Variants in TBC1D5 observed in about 807,000 individuals in gnomAD.
TBC1D5 encodes TBC1 domain family, member 5.
Under a neutral mutation model 100.3 loss-of-function variants are expected in TBC1D5, and 75 were observed. The ratio of observed to expected loss-of-function variants is 0.75; its 90% CI spans 0.62 to 0.91. The LOEUF (loss-of-function observed/expected upper bound fraction) is 0.91, where lower values mean the gene tolerates loss of function less well. Ranked by LOEUF, TBC1D5 falls within the 40% of genes least tolerant of loss-of-function variation. The pLI is 0.00. For missense variants in TBC1D5, 910 were observed against 942.4 expected, an observed-to-expected ratio of 0.97 and a Z score of 0.45; for synonymous variants, 323 against 325.6, an observed-to-expected ratio of 0.99 and a Z score of 0.09.
chr3:17,303,342 T>C (rs1213680673), intron 14 of TBC1D5, among the ~76,000 whole-genome samples: 1 of 152,240 alleles, frequency 6.6e-6, no homozygotes, highest in Non-Finnish European at 1.5e-5. Context: ...CTATCATCTA[T>C]GTACCATATA....
At chr3:17,178,520 G>A (rs1271900422) in intron 19 of TBC1D5, among the ~76,000 whole-genome samples, 1 of 152,070 alleles carries the variant, frequency 6.6e-6, no homozygotes, top group Non-Finnish European at 1.5e-5. Flanking sequence ...TTCCTTTTGA[G>A]TATATACCCT....
chr3:17,544,207 G>C (rs1464562740), intron 2 of TBC1D5, among the ~76,000 whole-genome samples: 1 of 152,122 alleles, frequency 6.6e-6, no homozygotes, highest in African/African-American at 2.4e-5. Flanking sequence ...AGGTAATGCT[G>C]AAGTGCTGAA....
In TBC1D5 at chr3:17,255,854, C is replaced by T. The variant is rs1230777968; in HGVS notation, c.1331+2652G>A. Among the ~76,000 whole-genome samples, 8 of 151,976 alleles carry T rather than the reference C, an allele frequency of 5.3e-5. No homozygotes were observed. The South Asian group carries it at 8.3e-4, about 16-fold the overall frequency. ...GAGATTGAGACCATCTTGGCTAACACGGTGAAACCCCGTCTACTAAAAATA... is the reference window on the plus strand; with the variant it reads ...GAGATTGAGACCATCTTGGCTAACATGGTGAAACCCCGTCTACTAAAAATA... On this transcript the variant is annotated intron_variant, in intron 16 of 21. Coordinates refer to ENST00000253692, the Ensembl canonical transcript of TBC1D5.
At position 17,350,838 on chromosome 3, in the gene TBC1D5, A is replaced by G. The variant is rs116098442; in HGVS notation, c.995+21237T>C. Among the ~76,000 whole-genome samples, 732 of 152,290 alleles carry G rather than the reference A, an allele frequency of 4.8e-3. 6 individuals carry two copies. The highest frequency in any genetic ancestry group is 0.017 in the African/African-American group (704 of 41,574). ...TGGAATAAACACCCTGACAAACAGCATTTCAATTCAGGCTGCTATACAACA... is the reference window on the plus strand; with the variant it reads ...TGGAATAAACACCCTGACAAACAGCGTTTCAATTCAGGCTGCTATACAACA... On this transcript the variant is annotated intron_variant, in intron 13 of 21. Coordinates refer to ENST00000253692, the Ensembl canonical transcript of TBC1D5.
intron 13 of TBC1D5, among the ~76,000 whole-genome samples, chr3:17,344,987 C>T (rs1158891245): frequency 6.6e-6 from 1 of 152,118 alleles, no homozygotes; most frequent in Admixed American, 6.5e-5. Flanking sequence ...TAGGCATTAC[C>T]ATTCACAGGA....
intron 13 of TBC1D5, among the ~76,000 whole-genome samples, chr3:17,349,002 T>G (rs544458776): frequency 6.6e-6 from 1 of 152,016 alleles, no homozygotes; most frequent in South Asian, 2.1e-4. Context: ...AAAAGGTGTA[T>G]TAAAACTGAG....
At position 17,345,053 on chromosome 3, in the gene TBC1D5, G is replaced by T. The variant is rs1575444632; in HGVS notation, c.995+27022C>A. On this transcript the variant is annotated intron_variant, in intron 13 of 21. Coordinates refer to ENST00000253692, the Ensembl canonical transcript of TBC1D5. ...AACACCAAAAGCAATGGCAACAAAA[G>T]CCAAAATTGACAAATGGGATCTATT... 1.1e-4 allele frequency among the ~76,000 whole-genome samples: 16 copies of T among 152,218 alleles called. No homozygotes were observed. In the South Asian group the frequency reaches 3.1e-3, roughly 30 times the overall value.
intron 2 of TBC1D5, among the ~76,000 whole-genome samples, chr3:17,525,206 T>C (rs538562177): frequency 1.3e-5 from 2 of 152,180 alleles, no homozygotes; most frequent in African/African-American, 4.8e-5. Flanking sequence ...CTCGGCTCAC[T>C]GCAACCTCCG....
intron 2 of TBC1D5, among the ~76,000 whole-genome samples, chr3:17,584,877 C>T (rs2096722873): frequency 6.6e-6 from 1 of 152,106 alleles, no homozygotes; most frequent in East Asian, 1.9e-4. Flanking sequence ...AGGCTGTTCT[C>T]GAACTCCTGA....
At chr3:17,435,480 C>T (rs975993720) in intron 3 of TBC1D5, among the ~76,000 whole-genome samples, 1 of 152,144 alleles carries the variant, frequency 6.6e-6, no homozygotes, top group African/African-American at 2.4e-5. Context: ...CATATGGCAG[C>T]AGGATGGAGA....
intron 18 of TBC1D5, among the ~76,000 whole-genome samples, chr3:17,200,289 C>G (rs534275754): frequency 2.0e-5 from 3 of 152,296 alleles, no homozygotes; most frequent in African/African-American, 7.2e-5. Context: ...TCAGGGGTCC[C>G]CAAACCCCGG....
intron 2 of TBC1D5, among the ~76,000 whole-genome samples, chr3:17,573,940 T>C (rs1458753358): frequency 2.0e-5 from 3 of 152,034 alleles, no homozygotes; most frequent in Non-Finnish European, 4.4e-5. Context: ...GTTGATCCAG[T>C]ACCGAGAACA....
intron 1 of TBC1D5, among the ~76,000 whole-genome samples, chr3:17,656,536 C>T (rs2066079686): frequency 6.6e-6 from 1 of 152,058 alleles, no homozygotes; most frequent in Admixed American, 6.6e-5. Flanking sequence ...AAAACCAGGC[C>T]CTGTTCTCAG....
intron 8 of TBC1D5, among the ~76,000 whole-genome samples, chr3:17,385,030 C>G (rs1341798888): frequency 6.6e-6 from 1 of 151,950 alleles, no homozygotes; most frequent in Non-Finnish European, 1.5e-5. Flanking sequence ...ATTTAAAAGT[C>G]CCAAACCCAA....
chr3:17,640,809 G>A (rs979232011), intron 1 of TBC1D5, among the ~76,000 whole-genome samples: 1 of 151,930 alleles, frequency 6.6e-6, no homozygotes, highest in African/African-American at 2.4e-5. Context: ...AACAAACTAT[G>A]GAGTTTCATT....
chr3:17,432,484 A>G (rs1438726105), intron 3 of TBC1D5, among the ~76,000 whole-genome samples: 1 of 152,220 alleles, frequency 6.6e-6, no homozygotes. Context: ...AGCCACCCCA[A>G]GCTAATTACT....
chr3:17,662,937 A>G (rs923498372), intron 1 of TBC1D5: 10 of 152,212 alleles, frequency 6.6e-5, no homozygotes, highest in African/African-American at 2.4e-4. Context: ...GTTGTGATTT[A>G]AATTTTCTTA....
At chr3:17,645,825 C>T (rs2064967244) in intron 1 of TBC1D5, among the ~76,000 whole-genome samples, 1 of 152,050 alleles carries the variant, frequency 6.6e-6, no homozygotes, top group Non-Finnish European at 1.5e-5. Flanking sequence ...TCCCCTTCCC[C>T]CCTACTTTTC....
chr3:17,732,720 AAAATAAAT>A (rs60531914), intron 1 of TBC1D5, among the ~76,000 whole-genome samples: 1 of 144,812 alleles, frequency 6.9e-6, no homozygotes, highest in Non-Finnish European at 1.5e-5. Context: ...CCGTCTCAAA[AAAATAAAT>A]AAATAAATAA....
Sources: allele counts gnomAD v4.1 joint callset (sites outside exome capture counted in the v4.1 genomes callset), GRCh38; gene constraint gnomAD v4.1.1; transcripts MANE v1.5; gene names NCBI Gene and HGNC (gene_info 2026-07-23, HGNC 2026-07-21).